Variants in TRIM38 observed in about 807,000 individuals in gnomAD.
TRIM38 encodes the protein tripartite motif containing 38.
A neutral mutation model predicts 35.8 loss-of-function variants in TRIM38; 35 were observed. The observed-to-expected ratio is 0.98, with a 90% CI of 0.75 to 1.30. The LOEUF is 1.30. TRIM38 is among the 50% of genes most tolerant of loss of function. The pLI is 0.00. For synonymous variants in TRIM38, 198 were observed against 204.7 expected (o/e 0.97, Z 0.28); for missense variants, 545 against 556.9 (o/e 0.98, Z 0.21).
chr6:25,983,105 A>G, intron 7 of TRIM38, 59 bp from the exon 8 acceptor site: 1 of 1,488,626 alleles, frequency 6.7e-7, no homozygotes, highest in Non-Finnish European at 9.0e-7. Context: ...ATAAAATAAA[A>G]TAACCTGTGT....
At chr6:25,964,626 T>C (rs1759959371) in intron 2 of TRIM38, among the ~76,000 whole-genome samples, 1 of 152,132 alleles carries the variant, frequency 6.6e-6, no homozygotes. Flanking sequence ...GGTCTTTATG[T>C]AGATAGGGGA....
At position 25,971,961 on chromosome 6, in the gene TRIM38, G is replaced by GC; in HGVS notation, c.601dup (p.Leu201ProfsTer11). 6.2e-7 allele frequency: 1 copy of GC among 1,614,124 alleles called. No individual in the cohort carries two copies. On this transcript the variant is annotated frameshift_variant, in exon 5 of 8. Transcript: ENST00000357085. LOFTEE classifies it high-confidence loss of function. ...AGGAAGAGAAGTCTTATCTCTGGAG[G>GC]CTGGAGAAAGAAGAACAACAGACTC...
Position 25,972,019 on chromosome 6 carries a change from G to A in TRIM38, c.658G>A (p.Gly220Arg), listed in dbSNP as rs772635730. 2 of 1,614,162 alleles carry A rather than the reference G, an allele frequency of 1.2e-6. No individual in the cohort carries two copies. Among genetic ancestry groups the A allele is most frequent in the African/African-American group, 1.3e-5 (1 of 75,032 alleles). Residue 220 changes from glycine (G) to arginine (R), a missense_variant, in exon 5 of 8, where the codon GGG becomes AGG. Transcript: ENST00000357085. ...SRLRDYEAGL[G>R]LKSNELKSHI... ...ACTGAGGGACTATGAGGCTGGTCTG[G>A]GGCTGAAGAGCAATGAACTCAAGAG...
Position 25,973,093 on chromosome 6 carries a change from T to C in TRIM38, c.761+17T>C. ...TTTGAGCAGGTAAGTCCTGTTTGAA[T>C]GCAGGAGGGGAGGGGTGTGCGTATA... On this transcript the variant is annotated intron_variant, in intron 6 of 7. Coordinates refer to ENST00000357085, the MANE Select transcript of TRIM38 (RefSeq NM_006355.5). The C allele has an allele frequency of 1.2e-6, 2 of 1,614,150 alleles. No individual in the cohort carries two copies. Among genetic ancestry groups the C allele is most frequent in the Non-Finnish European group, 1.7e-6 (2 of 1,180,012 alleles).
At chr6:25,974,560 A>G (rs1244770887) in intron 7 of TRIM38, among the ~76,000 whole-genome samples, 2 of 152,238 alleles carry the variant, frequency 1.3e-5, no homozygotes, top group African/African-American at 2.4e-5. Context: ...GGCAGGAATC[A>G]TAGAAGGCCA....
intron 4 of TRIM38, among the ~76,000 whole-genome samples, chr6:25,970,075 G>A (rs1581600259): frequency 6.6e-6 from 1 of 151,950 alleles, no homozygotes; most frequent in African/African-American, 2.4e-5. Flanking sequence ...GTGCTACCAT[G>A]CCTGGCTAAT....
chr6:25,983,365 G>A lies in TRIM38; in HGVS notation c.1076G>A (p.Trp359Ter). 1 of 1,614,088 alleles carries A rather than the reference G, an allele frequency of 6.2e-7. No homozygotes were observed. Among genetic ancestry groups the A allele is most frequent in the Non-Finnish European group, 8.5e-7 (1 of 1,179,986 alleles). The change falls in exon 8 of 8, where the codon TGG (tryptophan) becomes TAG (stop). Residue 359 changes from tryptophan to a stop codon, truncating the protein, a stop_gained. Coordinates refer to ENST00000357085, the MANE Select transcript of TRIM38 (RefSeq NM_006355.5). LOFTEE classifies it low-confidence loss of function (END_TRUNC). Reference sequence around the variant, plus strand: ...GTGGATGTTGGCGAAGGAACCGGATGGGATTTAGGAGTTTGTATGGAAAAT... The same window carrying A: ...GTGGATGTTGGCGAAGGAACCGGATAGGATTTAGGAGTTTGTATGGAAAAT... ...FEVDVGEGTG[W>*]DLGVCMENVQ... is the part of the protein sequence containing the mutation.
intron 4 of TRIM38, among the ~76,000 whole-genome samples, chr6:25,969,946 T>C (rs1029546281): frequency 1.3e-5 from 2 of 152,142 alleles, no homozygotes; most frequent in Non-Finnish European, 2.9e-5. Context: ...TATTACTATT[T>C]TTTGAGATGG....
intron 4 of TRIM38, among the ~76,000 whole-genome samples, chr6:25,970,016 C>T (rs185640936): frequency 2.0e-5 from 3 of 152,244 alleles, no homozygotes; most frequent in Admixed American, 6.5e-5. Flanking sequence ...CTCCCGGGTT[C>T]AAGCAATTCC....
Position 25,976,970 on chromosome 6 carries a change from ATTAGCCC to A in TRIM38, c.874+3688_874+3694del, listed in dbSNP as rs550882390. Among the ~76,000 whole-genome samples the A allele has an allele frequency of 1.8e-3, 276 of 152,306 alleles. 1 individual carries two copies. The highest frequency in any genetic ancestry group is 6.4e-3 in the African/African-American group (266 of 41,570). ...AGATTGAGATTCTTTTTGTATGTCC[ATTAGCCC>A]TTCAGGCCTCTGTGATTTACCCATG... On this transcript the variant is annotated intron_variant, in intron 7 of 7. Coordinates refer to ENST00000357085, the MANE Select transcript of TRIM38 (RefSeq NM_006355.5).
chr6:25,980,755 T>C (rs1289846538), intron 7 of TRIM38, among the ~76,000 whole-genome samples: 3 of 152,352 alleles, frequency 2.0e-5, no homozygotes, highest in East Asian at 1.9e-4. Context: ...TGACTTAATA[T>C]CTTTTGATAT....
intron 7 of TRIM38, among the ~76,000 whole-genome samples, chr6:25,977,666 C>CA (rs1226726978): frequency 1.2e-3 from 78 of 65,248 alleles, no homozygotes; most frequent in Admixed American, 2.7e-3. Flanking sequence ...GACTCCATCT[C>CA]AAAAAAAAAA....
chr6:25,969,964 C>T (rs1760177496), intron 4 of TRIM38, among the ~76,000 whole-genome samples: 1 of 152,050 alleles, frequency 6.6e-6, no homozygotes, highest in South Asian at 2.1e-4. Flanking sequence ...TGGAGTCTTG[C>T]TGGAGTGTAG....
rs1452961581 is a variant in TRIM38 at position 25,983,660 on chromosome 6, T to A, written c.1371T>A (p.Pro457=). The A allele has an allele frequency of 6.2e-7, 1 of 1,602,090 alleles. No homozygotes were observed. The highest frequency in any genetic ancestry group is 1.3e-5 in the African/African-American group (1 of 74,500). The part of the protein sequence containing the change: ...RPYFQVYQYS[P]LFLPPPGD ...ATTTCCAGGTTTATCAATATTCTCC[T>A]TTGTTTCTGCCTCCCCCAGGTGACT... Residue 457 remains proline, a synonymous_variant, in exon 8 of 8, where the codon CCT becomes CCA. Transcript: ENST00000357085.
At chr6:25,981,117 TG>T (rs1315661529) in intron 7 of TRIM38, among the ~76,000 whole-genome samples, 1 of 152,242 alleles carries the variant, frequency 6.6e-6, no homozygotes, top group Non-Finnish European at 1.5e-5. Context: ...TCACCTCCTC[TG>T]GGCCTCAAGT....
chr6:25,976,374 C>T (rs117934454), intron 7 of TRIM38, among the ~76,000 whole-genome samples: 1 of 152,200 alleles, frequency 6.6e-6, no homozygotes, highest in Non-Finnish European at 1.5e-5. Flanking sequence ...CTTAAGCAAT[C>T]CTCCCACGTC....
intron 7 of TRIM38, among the ~76,000 whole-genome samples, chr6:25,978,532 C>T (rs968815576): frequency 5.9e-5 from 9 of 151,834 alleles, no homozygotes; most frequent in Admixed American, 1.3e-4. Flanking sequence ...TTTTTCGAGA[C>T]AGGCTCTCAC....
rs749276419 is a variant in TRIM38, at chr6:25,983,413, A to C, written c.1124A>C (p.Lys375Thr). The change falls in exon 8 of 8, where the codon AAG becomes ACG. Residue 375 changes from lysine (K) to threonine (T), a missense_variant. Coordinates refer to ENST00000357085, the MANE Select transcript of TRIM38 (RefSeq NM_006355.5). ...AATGTGCAGAGGGGCACTGGCATGA[A>C]GCAAGAGCCTCAGTCTGGATTCTGG... ...MENVQRGTGM[K>T]QEPQSGFWTL... is the part of the protein sequence containing the mutation. 18 of 1,614,184 alleles carry C rather than the reference A, an allele frequency of 1.1e-5. No individual in the cohort carries two copies. Among genetic ancestry groups the C allele is most frequent in the Admixed American group, 1.7e-5 (1 of 60,020 alleles).
Position 25,966,676 on chromosome 6 carries a change from C to T in TRIM38, c.154C>T (p.Leu52=). The T allele has an allele frequency of 1.2e-6, 2 of 1,614,174 alleles. No homozygotes were observed. The highest frequency in any genetic ancestry group is 2.2e-5 in the South Asian group (2 of 91,082). ...CTTTAAAAACCCAAGCCAAAAGCAA[C>T]TGAGGCAGGAGACATTCTGCTGTCC... is the stretch of plus-strand genomic sequence containing the variant. ...DFFKNPSQKQ[L]RQETFCCPQC... is the part of the protein sequence containing the mutation. Residue 52 remains leucine, a synonymous_variant, in exon 3 of 8, where the codon CTG becomes TTG. Transcript: ENST00000357085.
Sources: allele counts gnomAD v4.1 joint callset (sites outside exome capture counted in the v4.1 genomes callset), GRCh38; gene constraint gnomAD v4.1.1; transcripts MANE v1.5; gene names NCBI Gene and HGNC (gene_info 2026-07-23, HGNC 2026-07-21).